Variants in DGKB observed in about 807,000 individuals in gnomAD.
DGKB encodes the protein 90 kDa diacylglycerol kinase.
In DGKB, 67 loss-of-function variants were observed where a neutral mutation model predicts 114.3. The observed-to-expected ratio is 0.59, with a 90% CI of 0.48 to 0.72. DGKB has a LOEUF of 0.72. Among genes scored for constraint, DGKB ranks in the 30% least tolerant of loss-of-function variants. The pLI is 0.00. For synonymous variants in DGKB, 398 were observed against 323.1 expected, an observed-to-expected ratio of 1.23 and a Z score of -2.49; for missense variants, 907 against 975.2, an observed-to-expected ratio of 0.93 and a Z score of 0.93.
intron 1 of DGKB, among the ~76,000 whole-genome samples, chr7:14,954,403 T>C (rs1013857): frequency 0.34 from 52,247 of 151,850 alleles, 10,699 homozygotes; most frequent in East Asian, 0.91. Flanking sequence ...AAAAGCAAAA[T>C]CATGCAAAGC....
chr7:14,223,884 T>C (rs1790380360), intron 23 of DGKB, among the ~76,000 whole-genome samples: 1 of 151,810 alleles, frequency 6.6e-6, no homozygotes, highest in South Asian at 2.1e-4. Flanking sequence ...TTAAATTCAC[T>C]TGGAATTTAT....
intron 2 of DGKB, among the ~76,000 whole-genome samples, chr7:14,785,897 T>TTTC (rs1219036009): frequency 6.6e-6 from 1 of 151,940 alleles, no homozygotes; most frequent in African/African-American, 2.4e-5. Context: ...GTTTTTCTTT[T>TTTC]TTTTTTTTTG....
At chr7:14,287,003 C>T (rs753379362) in intron 23 of DGKB, among the ~76,000 whole-genome samples, 13 of 151,888 alleles carry the variant, frequency 8.6e-5, no homozygotes, top group Non-Finnish European at 1.0e-4. Context: ...TACAACAAAA[C>T]GTGTTATTTT....
chr7:14,783,070 T>C (rs1186789075), intron 2 of DGKB, among the ~76,000 whole-genome samples: 4 of 152,220 alleles, frequency 2.6e-5, no homozygotes, highest in African/African-American at 9.6e-5. Flanking sequence ...TTCTTAACTT[T>C]CCATTTGGCT....
At chr7:14,608,852 C>T (rs1331582373) in intron 16 of DGKB, among the ~76,000 whole-genome samples, 1 of 151,780 alleles carries the variant, frequency 6.6e-6, no homozygotes, top group Non-Finnish European at 1.5e-5. Context: ...CCTCGGAATA[C>T]AACTAAGGAA....
chr7:14,373,397 T>C (rs1190980124), intron 21 of DGKB, among the ~76,000 whole-genome samples: 2 of 152,234 alleles, frequency 1.3e-5, no homozygotes, highest in Non-Finnish European at 2.9e-5. Context: ...GTAACTGTTG[T>C]ATTGCATAAA....
chr7:14,658,859 C>T (rs186076598), intron 13 of DGKB, among the ~76,000 whole-genome samples: 12 of 151,950 alleles, frequency 7.9e-5, no homozygotes, highest in African/African-American at 2.6e-4. Context: ...TGTGAACTAA[C>T]AAGCTTCATA....
chr7:14,169,125 C>T (rs576808407), intron 25 of DGKB, among the ~76,000 whole-genome samples: 20 of 151,350 alleles, frequency 1.3e-4, no homozygotes, highest in African/African-American at 3.1e-4. Flanking sequence ...TTTGGGAGGC[C>T]GAGGCTTGTG....
chr7:14,818,241 A>T (rs1266671882), intron 2 of DGKB, among the ~76,000 whole-genome samples: 3 of 152,218 alleles, frequency 2.0e-5, no homozygotes, highest in Non-Finnish European at 4.4e-5. Flanking sequence ...ACAAGTGACC[A>T]TTGAAAGTAG....
At chr7:14,204,656 C>G (rs1178968892) in intron 23 of DGKB, among the ~76,000 whole-genome samples, 1 of 151,960 alleles carries the variant, frequency 6.6e-6, no homozygotes, top group Non-Finnish European at 1.5e-5. Flanking sequence ...AGTGCCTAGT[C>G]AACTGGCTAA....
At chr7:14,276,035 T>A (rs1798939501) in intron 23 of DGKB, among the ~76,000 whole-genome samples, 1 of 152,192 alleles carries the variant, frequency 6.6e-6, no homozygotes, top group Non-Finnish European at 1.5e-5. Context: ...CCTATTCGTA[T>A]ACAGGGAATA....
chr7:14,891,912 G>A (rs1212849409), intron 1 of DGKB, among the ~76,000 whole-genome samples: 1 of 151,196 alleles, frequency 6.6e-6, no homozygotes, highest in African/African-American at 2.4e-5. Context: ...TATGACACCA[G>A]TTTTCATAGT....
intron 23 of DGKB, among the ~76,000 whole-genome samples, chr7:14,333,738 A>T (rs1347613359): frequency 2.6e-5 from 4 of 152,294 alleles, no homozygotes; most frequent in African/African-American, 9.6e-5. Flanking sequence ...AATGGTTCAT[A>T]TTCCTTGAGA....
intron 1 of DGKB, among the ~76,000 whole-genome samples, chr7:14,857,781 T>C (rs1850402540): frequency 6.6e-6 from 1 of 152,060 alleles, no homozygotes; most frequent in South Asian, 2.1e-4. Context: ...TTTCAGTTGG[T>C]GGTACTAGTT....
intron 21 of DGKB, among the ~76,000 whole-genome samples, chr7:14,461,450 C>T (rs937991138): frequency 1.3e-5 from 2 of 151,946 alleles, no homozygotes; most frequent in African/African-American, 4.8e-5. Context: ...GAAATACAAA[C>T]TACCATCAGA....
intron 21 of DGKB, among the ~76,000 whole-genome samples, chr7:14,427,755 G>A (rs560960294): frequency 2.0e-5 from 3 of 152,052 alleles, no homozygotes; most frequent in Non-Finnish European, 2.9e-5. Context: ...TCACTATCAT[G>A]AGAACAGCAC....
rs961911670 is a variant in DGKB at position 14,546,664 on chromosome 7, C to G, written c.1770+27548G>C. On this transcript the variant is annotated intron_variant, in intron 20 of 25. Coordinates refer to ENST00000402815, the MANE Select transcript of DGKB (RefSeq NM_001350709.2). ...TCGGGAGCATCTGAGGCAAGCAGATCCAAAAGTGGAAAGAGAAATTGAATC... is the reference window on the plus strand; with the variant it reads ...TCGGGAGCATCTGAGGCAAGCAGATGCAAAAGTGGAAAGAGAAATTGAATC... Among the ~76,000 whole-genome samples the G allele has an allele frequency of 7.2e-5, 11 of 152,212 alleles. No individual in the cohort carries two copies. The South Asian group carries it at 2.3e-3, about 32-fold the overall frequency.
chr7:14,336,798 A>G (rs4141257), intron 23 of DGKB, among the ~76,000 whole-genome samples: 134,790 of 152,150 alleles, frequency 0.89, 60,005 homozygotes, highest in African/African-American at 0.97. Flanking sequence ...GTGTACAGAC[A>G]TGTGTTTGGG....
At chr7:14,784,155 T>G (rs188238837) in intron 2 of DGKB, among the ~76,000 whole-genome samples, 161 of 152,216 alleles carry the variant, frequency 1.1e-3, no homozygotes, top group African/African-American at 3.7e-3. Context: ...ATTGCCTTTT[T>G]TTTTACTACA....
Sources: allele counts gnomAD v4.1 joint callset (sites outside exome capture counted in the v4.1 genomes callset), GRCh38; gene constraint gnomAD v4.1.1; transcripts MANE v1.5; gene names NCBI Gene and HGNC (gene_info 2026-07-23, HGNC 2026-07-21).